KANSL3: variants seen among roughly 807,000 people sequenced by gnomAD.
KANSL3 encodes KAT8 regulatory NSL complex subunit 3.
Under a neutral mutation model 89.2 loss-of-function variants are expected in KANSL3, and 16 were observed. The observed-to-expected ratio is 0.18, with a 90% CI of 0.12 to 0.27. The LOEUF (loss-of-function observed/expected upper bound fraction) is 0.27, where lower values mean the gene tolerates loss of function less well. Ranked by LOEUF, KANSL3 falls within the 10% of genes least tolerant of loss-of-function variation. The probability of loss-of-function intolerance (pLI) is 1.00; values close to 1 mark genes in which losing one functional copy is unlikely to be tolerated. For synonymous variants in KANSL3, 385 were observed against 419.7 expected (o/e 0.92, Z 1.01); for missense variants, 879 against 1,110.6 (o/e 0.79, Z 2.96).
chr2:96,610,886 A>G lies in KANSL3; in HGVS notation c.1162-3T>C, dbSNP rs775580571. The G allele has an allele frequency of 4.3e-6, 7 of 1,613,514 alleles. No homozygotes were observed. The Admixed American group carries it at 1.2e-4, about 27-fold the overall frequency. ...TCCAAGAGGGGATCATCTACATCCT[A>G]AAACAGGTATAGGTTTTAGAATCGG... On this transcript the variant is annotated splice_region_variant and splice_polypyrimidine_tract_variant and intron_variant, in intron 10 of 20. Transcript: ENST00000431828.
downstream of KANSL3, among the ~76,000 whole-genome samples, chr2:96,589,402 G>A (rs752436251): frequency 1.3e-5 from 2 of 152,148 alleles, no homozygotes; most frequent in Non-Finnish European, 2.9e-5. Flanking sequence ...AGTAGAATGG[G>A]TATAGTGTCA....
intron 6 of KANSL3, 83 bp from the exon 7 acceptor site, chr2:96,613,017 A>C: frequency 1.7e-4 from 142 of 831,284 alleles, no homozygotes; most frequent in Non-Finnish European, 2.4e-4. Flanking sequence ...TACCTTTCTC[A>C]TCCCAACCAA....
At position 96,605,235 on chromosome 2, in the gene KANSL3, G is replaced by A. The variant is rs564550811; in HGVS notation, c.1933+85C>T. ...CATCTCTCAAAATAAAGCAAAGGCT[G>A]ACATGCTGGTGAATGGCCACCAAAG... On this transcript the variant is annotated intron_variant, in intron 15 of 20. Coordinates refer to ENST00000431828, the MANE Select transcript of KANSL3 (RefSeq NM_001115016.3). The A allele has an allele frequency of 5.7e-5, 69 of 1,204,492 alleles. 1 individual carries two copies. In the Admixed American group the frequency reaches 1.3e-3, roughly 23 times the overall value. 74.6% of individuals were successfully genotyped at this position (1,204,492 alleles called of 1,614,324 possible).
chr2:96,631,277 C>T, intron 3 of KANSL3, 35 bp downstream of exon 3: 3 of 1,417,638 alleles, frequency 2.1e-6, no homozygotes, highest in Non-Finnish European at 3.0e-6. Context: ...AAAATAATTA[C>T]AGGGCAGTGA....
At chr2:96,620,729 G>A (rs941685731) in intron 3 of KANSL3, among the ~76,000 whole-genome samples, 9 of 152,148 alleles carry the variant, frequency 5.9e-5, no homozygotes, top group Non-Finnish European at 7.4e-5. Flanking sequence ...GTGGCCAGGC[G>A]CAGTGCTTCA....
the KANSL3 span, among the ~76,000 whole-genome samples, chr2:96,586,216 C>T: frequency 6.8e-6 from 1 of 146,134 alleles, no homozygotes; most frequent in Non-Finnish European, 1.5e-5. Flanking sequence ...CAGAGTGAGA[C>T]TCAGTCTCAA....
At chr2:96,617,376 G>A (rs1022945079) in intron 5 of KANSL3, among the ~76,000 whole-genome samples, 2 of 152,046 alleles carry the variant, frequency 1.3e-5, no homozygotes, top group African/African-American at 4.8e-5. Context: ...AATGTATCTA[G>A]TCCTGAGTTT....
At chr2:96,602,498 T>C (rs941127375) in intron 18 of KANSL3, among the ~76,000 whole-genome samples, 160 bp from the exon 19 acceptor site, 1 of 152,208 alleles carries the variant, frequency 6.6e-6, no homozygotes, top group East Asian at 1.9e-4. Flanking sequence ...TTCATTCTTA[T>C]AACAACTCTA....
chr2:96,602,977 GAC>G, intron 17 of KANSL3, 115 bp from the exon 18 acceptor site: 1 of 881,358 alleles, frequency 1.1e-6, no homozygotes, highest in Non-Finnish European at 1.8e-6. Flanking sequence ...CTTGCCCTTG[GAC>G]ACCCGTCCTC....
chr2:96,610,679 TAAC>T, intron 11 of KANSL3, 44 bp downstream of exon 11: 1 of 1,604,530 alleles, frequency 6.2e-7, no homozygotes, highest in Non-Finnish European at 8.5e-7. Flanking sequence ...GGCTTATCTC[TAAC>T]ACTGTAACAC....
chr2:96,595,307 T>G lies in KANSL3; in HGVS notation c.*304A>C. On this transcript the variant is annotated 3_prime_UTR_variant, in exon 21 of 21. Transcript: ENST00000431828. The stretch of plus-strand genomic sequence containing the variant: ...GCAGGCAGTCCTATATGCTGACCCT[T>G]GGGTCAAACCACAGCTTAAGCGGGG... The G allele has an allele frequency of 2.8e-6, 1 of 358,882 alleles. No homozygotes were observed. The highest frequency in any genetic ancestry group is 4.6e-5 in the South Asian group (1 of 21,720). The allele number at this position is 358,882 out of a possible 1,614,324, so 22.2% of individuals were successfully genotyped here.
chr2:96,637,324 G>T, intron 1 of KANSL3, 139 bp from the exon 2 acceptor site: 1 of 505,184 alleles, frequency 2.0e-6, no homozygotes, highest in East Asian at 3.2e-5. Flanking sequence ...TGGTGGGGAC[G>T]GTTCGTGGAA....
chr2:96,601,038 G>T, intron 20 of KANSL3: 1 of 349,790 alleles, frequency 2.9e-6, no homozygotes, highest in Non-Finnish European at 4.0e-6. Flanking sequence ...TGTAATCCCA[G>T]CACTTTCAGA....
Position 96,609,541 on chromosome 2 carries a change from T to C in KANSL3, c.1341A>G (p.Lys447=). ...DNLRISKAKK[K]SEGLTQSMVD... ...CCATGCTCTGAGTCAACCCTTCTGA[T>C]TTCTTCTTTGCTTTGCTTATTCTAA... Residue 447 remains lysine, a synonymous_variant, in exon 12 of 21, where the codon AAA becomes AAG. Transcript: ENST00000431828. 2 of 1,613,956 alleles carry C rather than the reference T, an allele frequency of 1.2e-6. No individual in the cohort carries two copies. Among genetic ancestry groups the C allele is most frequent in the South Asian group, 2.2e-5 (2 of 91,078 alleles).
intron 2 of KANSL3, among the ~76,000 whole-genome samples, chr2:96,633,254 A>C (rs1437462145): frequency 6.8e-6 from 1 of 146,980 alleles, no homozygotes; most frequent in Non-Finnish European, 1.5e-5. Flanking sequence ...ACCTCGGCCC[A>C]AAAAAAAAAA....
Position 96,604,842 on chromosome 2 carries a change from G to GGTTCTTTCCTTATTAC in KANSL3, c.1954_1955insGTAATAAGGAAAGAAC (p.Thr652SerfsTer32). 6.3e-7 allele frequency: 1 copy of GGTTCTTTCCTTATTAC among 1,597,246 alleles called. No individual in the cohort carries two copies. Among genetic ancestry groups the GGTTCTTTCCTTATTAC allele is most frequent in the Non-Finnish European group, 8.5e-7 (1 of 1,171,904 alleles). On this transcript the variant is annotated frameshift_variant, in exon 16 of 21. Coordinates refer to ENST00000431828, the MANE Select transcript of KANSL3 (RefSeq NM_001115016.3). LOFTEE classifies it high-confidence loss of function. ...TGCTGAAGCCTGCCCCAGTGTCATG[G>GGTTCTTTCCTTATTAC]TGATGGGCTTCCCACCTGCAGCTTC...
At chr2:96,638,098 C>G (rs902118506) in intron 1 of KANSL3, 185 bp downstream of exon 1, 1 of 152,466 alleles carries the variant, frequency 6.6e-6, no homozygotes, top group Non-Finnish European at 1.5e-5. Flanking sequence ...GAGGCCCAGA[C>G]GCGGCCCCTG....
chr2:96,584,655 C>A, the KANSL3 span, among the ~76,000 whole-genome samples: 2 of 152,230 alleles, frequency 1.3e-5, no homozygotes, highest in South Asian at 2.1e-4. Context: ...ACTTACTTCA[C>A]TTAACATGTC....
At chr2:96,605,559 A>G in intron 14 of KANSL3, 48 bp from the exon 15 acceptor site, 1 of 1,498,318 alleles carries the variant, frequency 6.7e-7, no homozygotes, top group South Asian at 1.2e-5. Context: ...AAAAAATCCC[A>G]ACAGACACTC....
Sources: gnomAD v4.1 joint callset for allele counts (sites outside exome capture counted in the v4.1 genomes callset) on GRCh38, gnomAD v4.1.1 for gene constraint, MANE v1.5 for transcripts, NCBI Gene and HGNC (gene_info 2026-07-23, HGNC 2026-07-21) for gene names.